The following KIT variants were observed in gnomAD, a reference collection of about 807,000 sequenced individuals.
KIT encodes the protein mast/stem cell growth factor receptor Kit.
KIT carries 16 observed loss-of-function variants against 105.7 expected under a neutral mutation model. The observed-to-expected ratio is 0.15, with a 90% CI of 0.10 to 0.23. The LOEUF is 0.23. KIT is among the 10% of genes least tolerant of loss of function. The pLI, the probability that KIT is intolerant of heterozygous loss-of-function variation, is 1.00. For synonymous variants in KIT, 438 were observed against 441.1 expected (o/e 0.99, Z 0.09); for missense variants, 858 against 1,213.8 (o/e 0.71, Z 4.36).
At chr4:54,685,722 C>T (rs991229388) in intron 1 of KIT, among the ~76,000 whole-genome samples, 1 of 152,236 alleles carries the variant, frequency 6.6e-6, no homozygotes, top group Non-Finnish European at 1.5e-5. Flanking sequence ...GATTTTGTGA[C>T]TCCTAGGCAC....
chr4:54,727,097 A>G (rs1722268880), intron 9 of KIT, 121 bp from the exon 10 acceptor site: 1 of 822,558 alleles, frequency 1.2e-6, no homozygotes, highest in South Asian at 1.3e-5. Context: ...TGAGACTCAC[A>G]TAGCTTTGCA....
In KIT at chr4:54,726,055, A is replaced by T. The variant is rs765751074; in HGVS notation, c.1540+5A>T. The T allele has an allele frequency of 6.2e-7, 1 of 1,610,804 alleles. No individual in the cohort carries two copies. The highest frequency in any genetic ancestry group is 1.1e-5 in the South Asian group (1 of 90,996). On this transcript the variant is annotated splice_donor_5th_base_variant and intron_variant, in intron 9 of 20. Coordinates refer to ENST00000288135, the MANE Select transcript of KIT (RefSeq NM_000222.3). ...CATTTAAAGGTAACAACAAAGGTAT[A>T]TTTCTTTTTAATCCAATTTAAGGGG...
intron 13 of KIT, 23 bp from the exon 14 acceptor site, chr4:54,729,312 A>G (rs1230617286): frequency 1.2e-6 from 2 of 1,612,202 alleles, no homozygotes; most frequent in Non-Finnish European, 1.7e-6. Context: ...CCTTCTTTCT[A>G]ACCTTTTCTT....
At position 54,729,500 on chromosome 4, in the gene KIT, C is replaced by T. The variant is rs1297896683; in HGVS notation, c.2141+15C>T. 1 of 1,611,922 alleles carries T rather than the reference C, an allele frequency of 6.2e-7. No individual in the cohort carries two copies. The highest frequency in any genetic ancestry group is 1.1e-5 in the South Asian group (1 of 91,048). On this transcript the variant is annotated intron_variant, in intron 14 of 20. Coordinates refer to ENST00000288135, the MANE Select transcript of KIT (RefSeq NM_000222.3). ...GAGTCTTCCTGGTAAGACTGATTTA[C>T]ATAAATAGTTAGCTGTTGACAGGCA...
At chr4:54,693,730 C>T (rs192089841) in intron 1 of KIT, among the ~76,000 whole-genome samples, 23 of 152,266 alleles carry the variant, frequency 1.5e-4, no homozygotes, top group African/African-American at 5.5e-4. Context: ...ATGAACCATT[C>T]CCTTCACCAT....
At chr4:54,689,150 ATAG>A (rs896335523) in intron 1 of KIT, among the ~76,000 whole-genome samples, 1 of 152,234 alleles carries the variant, frequency 6.6e-6, no homozygotes, top group African/African-American at 2.4e-5. Context: ...ATTTAATTCA[ATAG>A]TAGACTTTCT....
At chr4:54,736,961 C>T in intron 19 of KIT, 141 bp downstream of exon 19, 1 of 751,758 alleles carries the variant, frequency 1.3e-6, no homozygotes, top group Non-Finnish European at 2.4e-6. Flanking sequence ...GGTCAAATGT[C>T]ATTTCTGTAG....
chr4:54,702,286 A>G (rs1720501196), intron 4 of KIT, among the ~76,000 whole-genome samples: 1 of 152,196 alleles, frequency 6.6e-6, no homozygotes, highest in African/African-American at 2.4e-5. Flanking sequence ...TAAAAAAGGT[A>G]AAATTGATTT....
At chr4:54,721,645 A>C (rs1460816621) in intron 7 of KIT, among the ~76,000 whole-genome samples, 1 of 152,202 alleles carries the variant, frequency 6.6e-6, no homozygotes, top group Non-Finnish European at 1.5e-5. Context: ...GATCTCCGCC[A>C]ACTCCAGGGA....
intron 1 of KIT, among the ~76,000 whole-genome samples, chr4:54,674,618 T>C (rs1718335865): frequency 6.6e-6 from 1 of 152,210 alleles, no homozygotes; most frequent in African/African-American, 2.4e-5. Flanking sequence ...AAGTCCTGTC[T>C]TGAAATCTCA....
chr4:54,660,661 G>A (rs548085970), intron 1 of KIT, among the ~76,000 whole-genome samples: 9 of 152,206 alleles, frequency 5.9e-5, no homozygotes, highest in African/African-American at 2.2e-4. Context: ...CCTATTTCTA[G>A]TAGTCTCAAT....
At chr4:54,683,973 A>G (rs1719126295) in intron 1 of KIT, among the ~76,000 whole-genome samples, 1 of 152,198 alleles carries the variant, frequency 6.6e-6, no homozygotes, top group African/African-American at 2.4e-5. Flanking sequence ...AAAATAAAAG[A>G]CAGAAAAGCA....
chr4:54,676,193 G>C (rs1718452485), intron 1 of KIT, among the ~76,000 whole-genome samples: 1 of 152,180 alleles, frequency 6.6e-6, no homozygotes, highest in Non-Finnish European at 1.5e-5. Flanking sequence ...TGGACCAGCA[G>C]CATCAGGATC....
chr4:54,711,794 G>C (rs759871956), intron 7 of KIT, among the ~76,000 whole-genome samples: 1 of 152,118 alleles, frequency 6.6e-6, no homozygotes, highest in South Asian at 2.1e-4. Context: ...GCGATGATGA[G>C]TGCGTGTAAT....
At chr4:54,736,659 T>C in intron 18 of KIT, 50 bp downstream of exon 18, 1 of 1,598,844 alleles carries the variant, frequency 6.3e-7, no homozygotes, top group Non-Finnish European at 8.6e-7. Flanking sequence ...GAGCATCTTC[T>C]TGAAGTTTCA....
Position 54,727,754 on chromosome 4 carries a change from T to C in KIT, c.1775-69T>C, listed in dbSNP as rs1188837869. ...TTAATTCCTTTATTGATTTTGAAAC[T>C]GCACAAATGGTCCTTCAATTCCACC... On this transcript the variant is annotated intron_variant, in intron 11 of 20. Coordinates refer to ENST00000288135, the MANE Select transcript of KIT (RefSeq NM_000222.3). 8.0e-6 allele frequency: 11 copies of C among 1,366,652 alleles called. No individual in the cohort carries two copies. The Admixed American group carries it at 1.9e-4, about 23-fold the overall frequency. 84.7% of individuals were successfully genotyped at this position (1,366,652 alleles called of 1,614,324 possible).
In KIT at chr4:54,698,378, C is replaced by A; in HGVS notation, c.432C>A (p.Thr144=). 6.2e-7 allele frequency: 1 copy of A among 1,614,096 alleles called. No homozygotes were observed. Among genetic ancestry groups the A allele is most frequent in the Non-Finnish European group, 8.5e-7 (1 of 1,179,994 alleles). ...GTCCTCTCACAGACCCAGAAGTGAC[C>A]AATTATTCCCTCAAGGGGTGCCAGG... The part of the protein sequence containing the change: ...VRCPLTDPEV[T]NYSLKGCQGK... The change falls in exon 3 of 21, where the codon ACC becomes ACA. Residue 144 remains threonine, a synonymous_variant. Transcript: ENST00000288135.
intron 7 of KIT, among the ~76,000 whole-genome samples, chr4:54,713,733 A>G (rs2109729971): frequency 1.3e-5 from 2 of 152,344 alleles, no homozygotes; most frequent in Middle Eastern, 3.4e-3. Flanking sequence ...AAATTTCAGT[A>G]TAGTGAATGT....
At chr4:54,675,056 G>GA (rs1469960272) in intron 1 of KIT, among the ~76,000 whole-genome samples, 1 of 151,932 alleles carries the variant, frequency 6.6e-6, no homozygotes, top group African/African-American at 2.4e-5. Flanking sequence ...ATCATTTCTG[G>GA]AAAAAATGCT....
Sources: gnomAD v4.1 joint callset for allele counts (sites outside exome capture counted in the v4.1 genomes callset) on GRCh38, gnomAD v4.1.1 for gene constraint, MANE v1.5 for transcripts, NCBI Gene and HGNC (gene_info 2026-07-23, HGNC 2026-07-21) for gene names.